Variants in FCGR2A observed in about 807,000 individuals in gnomAD.
The protein encoded by FCGR2A is low affinity immunoglobulin gamma Fc region receptor II-a.
In FCGR2A, 18 loss-of-function variants were observed where a neutral mutation model predicts 29.3. The observed-to-expected ratio is 0.62, with a 90% CI of 0.43 to 0.91. The LOEUF is 0.91. Ranked by LOEUF, FCGR2A falls within the 40% of genes least tolerant of loss-of-function variation. FCGR2A has a pLI of 0.00. For missense variants in FCGR2A, 287 were observed against 393.0 expected, an observed-to-expected ratio of 0.73 and a Z score of 2.28; for synonymous variants, 126 against 144.8, an observed-to-expected ratio of 0.87 and a Z score of 0.93.
chr1:161,521,873 G>C (rs1676465303), downstream of FCGR2A, among the ~76,000 whole-genome samples: 1 of 152,076 alleles, frequency 6.6e-6, no homozygotes, highest in Admixed American at 6.6e-5. Context: ...TTAGCAGTGT[G>C]AGAATGGGCT....
In FCGR2A at chr1:161,518,445, T is replaced by C; in HGVS notation, c.*297T>C. On this transcript the variant is annotated 3_prime_UTR_variant, in exon 7 of 7. Coordinates refer to ENST00000271450, the MANE Select transcript of FCGR2A (RefSeq NM_001136219.3). The stretch of plus-strand genomic sequence containing the variant: ...AGCAGCCTACTAACATATAATTAGG[T>C]GACTAGGGACTTTCTAAGAAGATAC... 4.4e-6 allele frequency: 2 copies of C among 453,094 alleles called. No homozygotes were observed. The highest frequency in any genetic ancestry group is 7.8e-6 in the Non-Finnish European group (2 of 256,862). The allele number at this position is 453,094 out of a possible 1,614,324, so 28.1% of individuals were successfully genotyped here. A position where few individuals can be genotyped will look rare whatever the true frequency, so the allele number is the denominator to read the frequency against.
At chr1:161,514,909 T>C (rs1344402387) in intron 6 of FCGR2A, 1 of 151,974 alleles carries the variant, frequency 6.6e-6, no homozygotes, top group East Asian at 1.9e-4. Context: ...ATATTATGGC[T>C]TTGTCAGAAT....
Position 161,518,131 on chromosome 1 carries a change from GT to G in FCGR2A, c.938del (p.Val313AlafsTer8). The G allele has an allele frequency of 6.2e-7, 1 of 1,613,652 alleles. No individual in the cohort carries two copies. Among genetic ancestry groups the G allele is most frequent in the Non-Finnish European group, 8.5e-7 (1 of 1,179,854 alleles). The stretch of plus-strand genomic sequence containing the variant: ...CCTGACTCTTCCTCCCAACGACCAT[GT>G]CAACAGTAATAACTAAAGAGTAACG... ...IYLTLPPNDH[V>X]NSNN On this transcript the variant is annotated frameshift_variant, in exon 7 of 7. Transcript: ENST00000271450. LOFTEE classifies it high-confidence loss of function.
At chr1:161,505,754 A>G (rs1372468518) in intron 1 of FCGR2A, 6 of 709,786 alleles carry the variant, frequency 8.5e-6, no homozygotes, top group African/African-American at 7.0e-5. Flanking sequence ...TGGAAAGTCC[A>G]TTCTGCACCA....
chr1:161,517,637 A>G (rs1335165476), intron 6 of FCGR2A, among the ~76,000 whole-genome samples: 1 of 152,164 alleles, frequency 6.6e-6, no homozygotes, highest in East Asian at 1.9e-4. Flanking sequence ...ATTTTTCCAA[A>G]GGCCAGATAA....
At chr1:161,505,680 C>A in intron 1 of FCGR2A, 128 bp downstream of exon 1, 1 of 817,956 alleles carries the variant, frequency 1.2e-6, no homozygotes, top group Non-Finnish European at 2.1e-6. Context: ...GGAGAGAGGA[C>A]CCTGAATTCT....
At chr1:161,511,603 G>A (rs1675784419) in intron 5 of FCGR2A, among the ~76,000 whole-genome samples, 1 of 152,206 alleles carries the variant, frequency 6.6e-6, no homozygotes, top group Non-Finnish European at 1.5e-5. Context: ...CCTTTTCCAG[G>A]TGGGAGCAGC....
At chr1:161,506,229 C>T (rs1675379521) in intron 2 of FCGR2A, 105 bp from the exon 3 acceptor site, 1 of 1,464,764 alleles carries the variant, frequency 6.8e-7, no homozygotes, top group African/African-American at 1.4e-5. Flanking sequence ...TGAACTACAT[C>T]TACAATAGGA....
intron 4 of FCGR2A, chr1:161,510,275 T>C (rs1233652367): frequency 3.3e-6 from 3 of 908,572 alleles, no homozygotes; most frequent in Non-Finnish European, 5.0e-6. Context: ...TCCCAGGTAA[T>C]AGGTAGTCAG....
rs776005198 is a variant in FCGR2A, at chr1:161,509,884, C to T, written c.429C>T (p.Cys143=). 2 of 1,614,212 alleles carry T rather than the reference C, an allele frequency of 1.2e-6. No individual in the cohort carries two copies. Among genetic ancestry groups the T allele is most frequent in the Non-Finnish European group, 1.7e-6 (2 of 1,180,036 alleles). Residue 143 remains cysteine, a synonymous_variant, in exon 4 of 7, where the codon TGC becomes TGT. Transcript: ENST00000271450. ...AGGGAGAAACCATCATGCTGAGGTG[C>T]CACAGCTGGAAGGACAAGCCTCTGG... The part of the protein sequence containing the change: ...FQEGETIMLR[C]HSWKDKPLVK...
intron 5 of FCGR2A, among the ~76,000 whole-genome samples, chr1:161,512,635 G>A (rs1218429330): frequency 1.3e-5 from 2 of 150,544 alleles, no homozygotes; most frequent in African/African-American, 4.8e-5. Flanking sequence ...AGAGCATAAA[G>A]GAAACCAGTG....
chr1:161,507,219 A>C (rs1233812189), intron 3 of FCGR2A, among the ~76,000 whole-genome samples: 1 of 151,240 alleles, frequency 6.6e-6, no homozygotes, highest in African/African-American at 2.4e-5. Context: ...ATGCTTCTAG[A>C]TAGTATTTCT....
intron 5 of FCGR2A, chr1:161,513,371 A>C (rs1675942208): frequency 8.2e-6 from 1 of 122,478 alleles, no homozygotes. Flanking sequence ...CTCCCTCCCT[A>C]AGCTCCCTCC....
At chr1:161,522,971 T>C (rs1676512570), downstream of FCGR2A, 1 of 152,042 alleles carries the variant, frequency 6.6e-6, no homozygotes, top group East Asian at 1.9e-4. Flanking sequence ...AAGGAGAAAA[T>C]AGCCATCTAT....
Position 161,506,511 on chromosome 1 carries a change from A to G in FCGR2A, c.284A>G (p.Asn95Ser). 6.2e-7 allele frequency: 1 copy of G among 1,614,218 alleles called. No individual in the cohort carries two copies. The part of the protein sequence containing the change: ...HTQPSYRFKA[N>S]NNDSGEYTCQ... Reference sequence around the variant, plus strand: ...CAGCCCAGCTACAGGTTCAAGGCCAACAACAATGACAGCGGGGAGTACACG... The same window carrying G: ...CAGCCCAGCTACAGGTTCAAGGCCAGCAACAATGACAGCGGGGAGTACACG... The change falls in exon 3 of 7, where the codon AAC becomes AGC. Residue 95 changes from asparagine (N) to serine (S), a missense_variant. Physicochemically the swap from Asn to Ser is conservative, Grantham distance 46 (BLOSUM62 1). Transcript: ENST00000271450.
chr1:161,511,891 G>A (rs1336737125), intron 5 of FCGR2A, among the ~76,000 whole-genome samples: 1 of 152,220 alleles, frequency 6.6e-6, no homozygotes, highest in East Asian at 1.9e-4. Flanking sequence ...CTGAGCCAGC[G>A]AGAAGGGGCT....
chr1:161,511,830 C>T (rs1571972477), intron 5 of FCGR2A, among the ~76,000 whole-genome samples: 1 of 152,190 alleles, frequency 6.6e-6, no homozygotes, highest in East Asian at 1.9e-4. Context: ...CAGGTGAATA[C>T]AGAGTTGTCT....
chr1:161,512,805 T>C (rs1043785706), intron 5 of FCGR2A, among the ~76,000 whole-genome samples: 58 of 152,188 alleles, frequency 3.8e-4, no homozygotes, highest in African/African-American at 1.3e-3. Context: ...AGGTTGCACG[T>C]CCACTGGCCA....
Position 161,506,490 on chromosome 1 carries a change from C to T in FCGR2A, c.263C>T (p.Pro88Leu). ...NGNLIPTHTQPSYRFKANNND... is the reference protein window; with the variant it reads ...NGNLIPTHTQLSYRFKANNND... ...AATCTCATTCCCACCCACACGCAGC[C>T]CAGCTACAGGTTCAAGGCCAACAAC... The change falls in exon 3 of 7, where the codon CCC becomes CTC. Residue 88 changes from proline (P) to leucine (L), a missense_variant. Physicochemically the swap from Pro to Leu is moderately conservative, Grantham distance 98. This residue lies in a region of FCGR2A where 181 missense variants were observed against 250.9 expected (regional missense o/e 0.72). Coordinates refer to ENST00000271450, the MANE Select transcript of FCGR2A (RefSeq NM_001136219.3). 1 of 1,614,194 alleles carries T rather than the reference C, an allele frequency of 6.2e-7. No homozygotes were observed. The highest frequency in any genetic ancestry group is 8.5e-7 in the Non-Finnish European group (1 of 1,180,028).
Sources: allele counts gnomAD v4.1 joint callset (sites outside exome capture counted in the v4.1 genomes callset), GRCh38; gene constraint gnomAD v4.1.1; regional missense constraint gnomAD v4.1.1; transcripts MANE v1.5; gene names NCBI Gene and HGNC (gene_info 2026-07-23, HGNC 2026-07-21).